Variants in NSMAF observed in about 807,000 individuals in gnomAD.
The protein encoded by NSMAF is neutral sphingomyelinase activation associated factor.
Under a neutral mutation model 134.9 loss-of-function variants are expected in NSMAF, and 90 were observed. The ratio of observed to expected loss-of-function variants is 0.67; its 90% confidence interval spans 0.56 to 0.79. The LOEUF (loss-of-function observed/expected upper bound fraction) is 0.79. NSMAF is among the 30% of genes least tolerant of loss of function. The pLI is 0.00. For synonymous variants in NSMAF, 358 were observed against 389.6 expected, an observed-to-expected ratio of 0.92 and a Z score of 0.96; for missense variants, 1,010 against 1,119.0, an observed-to-expected ratio of 0.90 and a Z score of 1.39.
At chr8:58,585,260 G>A (rs528731078) in intron 30 of NSMAF, among the ~76,000 whole-genome samples, 153 of 151,240 alleles carry the variant, frequency 1.0e-3, no homozygotes, top group African/African-American at 3.5e-3. Context: ...GGAGGTAGGA[G>A]TCAGCGGTAG....
rs757493076 is a variant in NSMAF, at chr8:58,597,550, G to A, written c.1629C>T (p.Ser543=). Residue 543 remains serine (S), a splice_region_variant and synonymous_variant, in exon 21 of 31, where the codon AGC becomes AGT. Coordinates refer to ENST00000038176, the MANE Select transcript of NSMAF (RefSeq NM_003580.4). The stretch of plus-strand genomic sequence containing the variant: ...CTACCTTCTCATCAGGATCCTGGAT[G>A]CTTTGGGACAGAACACAAATAATGC... ...LTYEGGVDLN[S]IQDPDEKVAM... The A allele has an allele frequency of 2.9e-5, 47 of 1,613,784 alleles. No homozygotes were observed. The highest frequency in any genetic ancestry group is 5.0e-5 in the Admixed American group (3 of 59,992).
intron 14 of NSMAF, 35 bp downstream of exon 14, chr8:58,602,023 T>C: frequency 6.5e-7 from 1 of 1,534,350 alleles, no homozygotes; most frequent in Non-Finnish European, 9.0e-7. Flanking sequence ...GCTTCTCGTG[T>C]TGCTTAGAAA....
Position 58,585,719 on chromosome 8 carries a change from C to CT in NSMAF, c.2591dup (p.Ser865ValfsTer3). 1 of 1,614,180 alleles carries CT rather than the reference C, an allele frequency of 6.2e-7. No individual in the cohort carries two copies. Among genetic ancestry groups the CT allele is most frequent in the Admixed American group, 1.7e-5 (1 of 60,028 alleles). On this transcript the variant is annotated frameshift_variant, in exon 30 of 31. Transcript: ENST00000038176. LOFTEE classifies it high-confidence loss of function. ...GGTCCCAAACGAGCAGTTCACCAGACTGACTGCCAGATAAAACGGAATTTC... is the reference window on the plus strand; with the variant it reads ...GGTCCCAAACGAGCAGTTCACCAGACTTGACTGCCAGATAAAACGGAATTTC...
At chr8:58,640,013 G>GT (rs1407505352) in intron 2 of NSMAF, 1 of 453,022 alleles carries the variant, frequency 2.2e-6, no homozygotes, top group Admixed American at 2.4e-5. Context: ...TCAGGCAAGA[G>GT]TAAGTTAAAC....
intron 21 of NSMAF, chr8:58,595,943 T>C: frequency 3.9e-6 from 1 of 258,492 alleles, no homozygotes; most frequent in Non-Finnish European, 7.7e-6. Flanking sequence ...TTTGGGGAAA[T>C]ACAAGACTGA....
At chr8:58,592,053 A>G (rs1237128882) in intron 23 of NSMAF, among the ~76,000 whole-genome samples, 1 of 152,234 alleles carries the variant, frequency 6.6e-6, no homozygotes, top group Non-Finnish European at 1.5e-5. Context: ...AAACAGAAGA[A>G]TGAACACAGT....
intron 1 of NSMAF, among the ~76,000 whole-genome samples, chr8:58,643,323 T>C (rs1807376407): frequency 6.6e-6 from 1 of 152,212 alleles, no homozygotes; most frequent in African/African-American, 2.4e-5. Flanking sequence ...ACTACTCTTT[T>C]ACAGAAACCC....
chr8:58,625,890 A>G (rs1806917859), intron 6 of NSMAF, among the ~76,000 whole-genome samples: 1 of 151,800 alleles, frequency 6.6e-6, no homozygotes, highest in African/African-American at 2.4e-5. Context: ...ATCATGACAT[A>G]GTTTGATTTC....
chr8:58,642,963 G>C lies in NSMAF; in HGVS notation c.149+21C>G, dbSNP rs763571431. 30 of 1,556,094 alleles carry C rather than the reference G, an allele frequency of 1.9e-5. No individual in the cohort carries two copies. In the Middle Eastern group the frequency reaches 6.7e-4, roughly 35 times the overall value. ...TATCAGAAAGGTTTGTTTGTCCAAGGAGATACCGAAGCTTCCTTACCTTTC... is the reference window on the plus strand; with the variant it reads ...TATCAGAAAGGTTTGTTTGTCCAAGCAGATACCGAAGCTTCCTTACCTTTC... On this transcript the variant is annotated intron_variant, in intron 2 of 30. Transcript: ENST00000038176.
chr8:58,639,867 T>C (rs1212069171), intron 2 of NSMAF: 1 of 296,478 alleles, frequency 3.4e-6, no homozygotes, highest in African/African-American at 2.2e-5. Flanking sequence ...GAGGACATTA[T>C]GCTAAGTAAA....
rs570771131 is a variant in NSMAF, at chr8:58,588,572, G to A, written c.2212-871C>T. On this transcript the variant is annotated intron_variant, in intron 26 of 30. Coordinates refer to ENST00000038176, the MANE Select transcript of NSMAF (RefSeq NM_003580.4). Reference sequence around the variant, plus strand: ...TAATGTAGCTTCACATACAGCTTGGGAAGCAAATAGGCATCAAAGATGCTC... The same window carrying A: ...TAATGTAGCTTCACATACAGCTTGGAAAGCAAATAGGCATCAAAGATGCTC... 26 of 1,287,788 alleles carry A rather than the reference G, an allele frequency of 2.0e-5. 2 individuals are homozygous for A. The East Asian group carries it at 5.6e-4, about 28-fold the overall frequency. 79.8% of individuals were successfully genotyped at this position (1,287,788 alleles called of 1,614,324 possible).
chr8:58,602,096 C>G lies in NSMAF; in HGVS notation c.1087G>C (p.Val363Leu), dbSNP rs779646095. 6.2e-7 allele frequency: 1 copy of G among 1,613,530 alleles called. No homozygotes were observed. Among genetic ancestry groups the G allele is most frequent in the Non-Finnish European group, 8.5e-7 (1 of 1,179,660 alleles). The change falls in exon 14 of 31, where the codon GTA (valine) becomes CTA (leucine). Residue 363 changes from valine to leucine, a missense_variant. By Grantham distance (32) the Val-to-Leu change is conservative. Coordinates refer to ENST00000038176, the MANE Select transcript of NSMAF (RefSeq NM_003580.4). Reference protein sequence around the residue: ...PGTFRDLSKPVGALNKERLER... With the variant: ...PGTFRDLSKPLGALNKERLER... ...AGCCGTTCCTTATTTAGGGCCCCTA[C>G]TGGCTTACTGAGATCCCGGAAGGTT...
At chr8:58,585,500 C>T in intron 30 of NSMAF, 152 bp downstream of exon 30, 3 of 609,214 alleles carry the variant, frequency 4.9e-6, no homozygotes, top group Non-Finnish European at 8.8e-6. Flanking sequence ...TGCAGATCAC[C>T]TGGCCAATCA....
Position 58,586,000 on chromosome 8 carries a change from T to C in NSMAF, c.2447A>G (p.Asp816Gly). The C allele has an allele frequency of 6.2e-7, 1 of 1,610,776 alleles. No homozygotes were observed. Among genetic ancestry groups the C allele is most frequent in the Non-Finnish European group, 8.5e-7 (1 of 1,177,162 alleles). ...GIVCDTAFSP[D>G]SRHVLSTGTD... ...TCCTGTGCTGAGGACATGGCGACTATCTGCAACACAAGGTGAGACTCAGAT... is the reference window on the plus strand; with the variant it reads ...TCCTGTGCTGAGGACATGGCGACTACCTGCAACACAAGGTGAGACTCAGAT... Residue 816 changes from aspartate to glycine, a missense_variant and splice_region_variant, in exon 29 of 31, where the codon GAT becomes GGT. Physicochemically the swap from Asp to Gly is moderately conservative, Grantham distance 94. Transcript: ENST00000038176.
chr8:58,635,988 T>C (rs1807165627), intron 2 of NSMAF, among the ~76,000 whole-genome samples: 1 of 152,218 alleles, frequency 6.6e-6, no homozygotes, highest in South Asian at 2.1e-4. Context: ...ACTGAATAGA[T>C]GAGAAGGCCC....
intron 22 of NSMAF, among the ~76,000 whole-genome samples, chr8:58,595,257 G>T (rs946045713): frequency 6.6e-6 from 1 of 152,168 alleles, no homozygotes; most frequent in African/African-American, 2.4e-5. Flanking sequence ...AAGGAGCTGT[G>T]TACTCCAATT....
intron 6 of NSMAF, among the ~76,000 whole-genome samples, chr8:58,626,545 ATT>A (rs1278189013): frequency 6.6e-6 from 1 of 152,116 alleles, no homozygotes; most frequent in South Asian, 2.1e-4. Context: ...CCATTATTTC[ATT>A]TTGTTTTATG....
At chr8:58,584,308 G>A (rs530477372) in intron 30 of NSMAF, 108 bp from the exon 31 acceptor site, 27 of 754,614 alleles carry the variant, frequency 3.6e-5, no homozygotes, top group East Asian at 2.6e-4. Context: ...CTAAACAAGT[G>A]AAGTAAGTTC....
chr8:58,590,870 A>G lies in NSMAF; in HGVS notation c.2016T>C (p.Asn672=), dbSNP rs772017722. The change falls in exon 24 of 31, where the codon AAT becomes AAC. Residue 672 remains asparagine (N), a synonymous_variant. Transcript: ENST00000038176. ...AATACTATTAAAATGAACTCACCAT[A>G]TTTGAAAATGATATACTTCTTTGTA... ...KMLQRSISFS[N]MALSSCLLLP... 8.3e-6 allele frequency: 13 copies of G among 1,559,210 alleles called. No individual in the cohort carries two copies. In the African/African-American group the frequency reaches 9.5e-5, roughly 11 times the overall value.
Sources: allele counts gnomAD v4.1 joint callset (sites outside exome capture counted in the v4.1 genomes callset), GRCh38; gene constraint gnomAD v4.1.1; transcripts MANE v1.5; gene names NCBI Gene and HGNC (gene_info 2026-07-23, HGNC 2026-07-21).